SNX29: variants seen among roughly 807,000 people sequenced by gnomAD.
SNX29 encodes sorting nexin 29, also known as sorting nexin-29.
SNX29 carries 78 observed loss-of-function variants against 102.1 expected under a neutral mutation model. That is an observed-to-expected ratio of 0.76 (90% CI 0.64 to 0.92). The LOEUF (loss-of-function observed/expected upper bound fraction) is 0.92. Among genes scored for constraint, SNX29 ranks in the 40% least tolerant of loss-of-function variants. SNX29 has a pLI of 0.00. For synonymous variants in SNX29, 580 were observed against 414.5 expected (o/e 1.40, Z -4.85); for missense variants, 1,280 against 1,061.7 (o/e 1.21, Z -2.86).
intron 15 of SNX29, among the ~76,000 whole-genome samples, chr16:12,303,232 T>C (rs775079630): frequency 6.1e-4 from 93 of 152,162 alleles, no homozygotes; most frequent in Non-Finnish European, 2.2e-4. Context: ...TATTAAAACA[T>C]AGATGAATTT....
chr16:12,152,181 G>A (rs1040570354), intron 13 of SNX29, among the ~76,000 whole-genome samples: 11 of 152,016 alleles, frequency 7.2e-5, no homozygotes, highest in Non-Finnish European at 8.8e-5. Context: ...AGACTGTGCC[G>A]TTGCACTCCA....
intron 13 of SNX29, among the ~76,000 whole-genome samples, chr16:12,143,876 A>G (rs1276983207): frequency 6.6e-6 from 1 of 152,218 alleles, no homozygotes; most frequent in Non-Finnish European, 1.5e-5. Context: ...GGTTATGTCC[A>G]GGCTGCCCTC....
chr16:12,157,629 G>T (rs2055607707), intron 13 of SNX29, among the ~76,000 whole-genome samples: 1 of 152,118 alleles, frequency 6.6e-6, no homozygotes, highest in African/African-American at 2.4e-5. Context: ...TTGATTTTCT[G>T]CATTTTTCAG....
chr16:12,181,081 G>T, intron 13 of SNX29, among the ~76,000 whole-genome samples: 1 of 152,222 alleles, frequency 6.6e-6, no homozygotes, highest in East Asian at 1.9e-4. Flanking sequence ...AGGTGGGCCT[G>T]GGTTACCGTG....
Position 12,136,741 on chromosome 16 carries a change from A to ATTG in SNX29, c.1595+6995_1595+6997dup, listed in dbSNP as rs35090574. On this transcript the variant is annotated intron_variant, in intron 13 of 20. Transcript: ENST00000566228. ...CATTTTAGGAAAGGTTTTTGTTGTT[A>ATTG]TTGTTGTTGTTGTTTTGAGACAGAG... 6.0e-3 allele frequency among the ~76,000 whole-genome samples: 907 copies of ATTG among 151,524 alleles called. 11 individuals are homozygous for ATTG. Among genetic ancestry groups the ATTG allele is most frequent in the African/African-American group, 0.021 (869 of 41,268 alleles).
At chr16:12,553,546 C>T (rs1021779153) in intron 20 of SNX29, among the ~76,000 whole-genome samples, 3 of 152,114 alleles carry the variant, frequency 2.0e-5, no homozygotes, top group Non-Finnish European at 4.4e-5. Context: ...CAGAGCACTG[C>T]AGGGAGCTAA....
At chr16:12,506,625 A>T (rs924180020) in intron 19 of SNX29, among the ~76,000 whole-genome samples, 4 of 152,214 alleles carry the variant, frequency 2.6e-5, no homozygotes, top group Non-Finnish European at 5.9e-5. Flanking sequence ...GATGAAAGAA[A>T]TCACTGAGCT....
Position 12,253,962 on chromosome 16 carries a change from A to T in SNX29, c.1679-23971A>T, listed in dbSNP as rs562957021. Among the ~76,000 whole-genome samples, 4 of 152,238 alleles carry T rather than the reference A, an allele frequency of 2.6e-5. No homozygotes were observed. The South Asian group carries it at 6.2e-4, about 24-fold the overall frequency. ...GTGGCCTGCCCCTGGCCTTATGTGG[A>T]TGCTGGAGCTGGAAGGATTTCCAGG... On this transcript the variant is annotated intron_variant, in intron 14 of 20. Coordinates refer to ENST00000566228, the MANE Select transcript of SNX29 (RefSeq NM_032167.5).
At chr16:12,272,938 C>T (rs1398882258) in intron 14 of SNX29, among the ~76,000 whole-genome samples, 4 of 152,340 alleles carry the variant, frequency 2.6e-5, no homozygotes, top group South Asian at 2.1e-4. Flanking sequence ...ACGCAACACG[C>T]AGCTCCCCAT....
chr16:12,411,791 G>A (rs1436246607), intron 18 of SNX29, among the ~76,000 whole-genome samples: 1 of 152,186 alleles, frequency 6.6e-6, no homozygotes, highest in African/African-American at 2.4e-5. Flanking sequence ...TCACCTTGCA[G>A]CATGGATGTG....
At chr16:12,414,194 G>T (rs143159874) in intron 18 of SNX29, among the ~76,000 whole-genome samples, 1 of 152,116 alleles carries the variant, frequency 6.6e-6, no homozygotes, top group Non-Finnish European at 1.5e-5. Context: ...CCACTGATAC[G>T]GAGGGCTGAC....
intron 17 of SNX29, 23 bp from the exon 18 acceptor site, chr16:12,403,425 C>T (rs374395084): frequency 3.2e-5 from 50 of 1,579,854 alleles, no homozygotes; most frequent in Admixed American, 1.8e-4. Context: ...TAATGTTGGT[C>T]TCTCTCTCTT....
At chr16:12,568,304 T>TAAAAAAAAA (rs34750195) in intron 20 of SNX29, among the ~76,000 whole-genome samples, 3 of 146,338 alleles carry the variant, frequency 2.1e-5, no homozygotes, top group Non-Finnish European at 4.5e-5. Context: ...GGAGTGCTGT[T>TAAAAAAAAA]AAAAAAAAAA....
intron 13 of SNX29, among the ~76,000 whole-genome samples, chr16:12,179,997 T>A (rs1271355161): frequency 6.6e-6 from 1 of 152,218 alleles, no homozygotes; most frequent in African/African-American, 2.4e-5. Flanking sequence ...TCTTTCAGTC[T>A]CTTTCAATGT....
At chr16:12,325,144 C>T (rs1035526144) in intron 15 of SNX29, among the ~76,000 whole-genome samples, 1 of 152,198 alleles carries the variant, frequency 6.6e-6, no homozygotes, top group African/African-American at 2.4e-5. Flanking sequence ...TCTACTTCTG[C>T]AGGCCCCTCC....
At chr16:12,560,064 T>C (rs368861736) in intron 20 of SNX29, among the ~76,000 whole-genome samples, 1 of 152,024 alleles carries the variant, frequency 6.6e-6, no homozygotes, top group Non-Finnish European at 1.5e-5. Flanking sequence ...TAGAAAACTA[T>C]GTAACTACTG....
chr16:12,101,418 C>T (rs1199194638), intron 11 of SNX29, among the ~76,000 whole-genome samples: 1 of 149,520 alleles, frequency 6.7e-6, no homozygotes, highest in Admixed American at 6.7e-5. Context: ...GAGACTCGCT[C>T]TGTTGCCCAG....
intron 9 of SNX29, among the ~76,000 whole-genome samples, chr16:12,063,677 C>A (rs2050889560): frequency 6.6e-6 from 1 of 152,064 alleles, no homozygotes; most frequent in African/African-American, 2.4e-5. Flanking sequence ...CCGTGCCCGG[C>A]CTTTTCTAGT....
At chr16:12,489,466 G>A (rs1422828885) in intron 19 of SNX29, among the ~76,000 whole-genome samples, 1 of 152,194 alleles carries the variant, frequency 6.6e-6, no homozygotes, top group African/African-American at 2.4e-5. Flanking sequence ...AGCTTGGGCT[G>A]TGGATTCAGA....
Sources: allele counts gnomAD v4.1 joint callset (sites outside exome capture counted in the v4.1 genomes callset), GRCh38; gene constraint gnomAD v4.1.1; transcripts MANE v1.5; gene names NCBI Gene and HGNC (gene_info 2026-07-23, HGNC 2026-07-21).